The following TTLL9 variants were observed in gnomAD, a reference collection of about 807,000 sequenced individuals.
TTLL9 encodes probable tubulin polyglutamylase TTLL9.
In TTLL9, 47 loss-of-function variants were observed where a neutral mutation model predicts 65.6. The ratio of observed to expected loss-of-function variants is 0.72; its 90% CI spans 0.57 to 0.91. The LOEUF is 0.91. Ranked by LOEUF, TTLL9 falls within the 40% of genes least tolerant of loss-of-function variation. The pLI is 0.00. For missense variants in TTLL9, 537 were observed against 568.8 expected (o/e 0.94, Z 0.57); for synonymous variants, 179 against 204.8 (o/e 0.87, Z 1.07).
At chr20:31,889,976 T>C (rs538857255) in intron 3 of TTLL9, among the ~76,000 whole-genome samples, 66 of 34,536 alleles carry the variant, frequency 1.9e-3, no homozygotes, top group East Asian at 7.3e-3. Flanking sequence ...ATCTCTCTCT[T>C]TCTTTCTTTC....
intron 2 of TTLL9, among the ~76,000 whole-genome samples, chr20:31,873,821 G>GAAGGAAGAAAGAAAGA (rs1568723275): frequency 2.1e-5 from 2 of 95,982 alleles, no homozygotes; most frequent in African/African-American, 4.0e-5. Flanking sequence ...AGGAAGGAAG[G>GAAGGAAGAAAGAAAGA]AAGAAAGAAA....
chr20:31,920,019 A>C, intron 7 of TTLL9, 87 bp downstream of exon 7: 165 of 1,241,300 alleles, frequency 1.3e-4, no homozygotes, highest in Non-Finnish European at 1.6e-4. Context: ...ATCAAAGCTC[A>C]GAGGGCTGGC....
chr20:31,932,196 G>C (rs2064026492), intron 10 of TTLL9, among the ~76,000 whole-genome samples: 1 of 152,176 alleles, frequency 6.6e-6, no homozygotes, highest in Non-Finnish European at 1.5e-5. Context: ...TTTGGGCCAG[G>C]CATGGTGGCT....
intron 7 of TTLL9, 99 bp downstream of exon 7, chr20:31,920,031 GAGAAACTCTGCCCAC>G (rs1440714111): frequency 2.7e-6 from 3 of 1,126,500 alleles, no homozygotes; most frequent in Non-Finnish European, 2.4e-6. Flanking sequence ...AGGGCTGGCA[GAGAAACTCTGCCCAC>G]AGGTCTGCCC....
chr20:31,899,894 A>G (rs1600555439), intron 4 of TTLL9, among the ~76,000 whole-genome samples: 1 of 152,032 alleles, frequency 6.6e-6, no homozygotes, highest in East Asian at 2.0e-4. Context: ...CCTCCCGAGT[A>G]GGACTACAGG....
intron 3 of TTLL9, among the ~76,000 whole-genome samples, chr20:31,893,651 G>A (rs1223082228): frequency 6.7e-6 from 1 of 149,580 alleles, no homozygotes; most frequent in African/African-American, 2.5e-5. Context: ...TCTATGCGAT[G>A]TGTCTTTTTT....
chr20:31,938,860 G>A (rs1299750709), intron 13 of TTLL9, among the ~76,000 whole-genome samples: 2 of 152,108 alleles, frequency 1.3e-5, no homozygotes, highest in Non-Finnish European at 2.9e-5. Flanking sequence ...CTGGGTGACA[G>A]AGAGAGACTC....
At chr20:31,888,958 G>A (rs1460590972) in intron 3 of TTLL9, among the ~76,000 whole-genome samples, 1 of 151,956 alleles carries the variant, frequency 6.6e-6, no homozygotes, top group Non-Finnish European at 1.5e-5. Context: ...TTTCAACATT[G>A]AGAATCACAT....
At chr20:31,926,853 TC>T (rs1193286539) in intron 10 of TTLL9, among the ~76,000 whole-genome samples, 1 of 151,648 alleles carries the variant, frequency 6.6e-6, no homozygotes, top group Non-Finnish European at 1.5e-5. Context: ...CACCTGTAAT[TC>T]CAGCACTTTG....
At chr20:31,917,917 G>T (rs963809453) in intron 6 of TTLL9, among the ~76,000 whole-genome samples, 1 of 150,836 alleles carries the variant, frequency 6.6e-6, no homozygotes, top group African/African-American at 2.4e-5. Flanking sequence ...TTTATTAGAG[G>T]CTTGGACTGC....
chr20:31,876,017 A>G (rs763602366), intron 2 of TTLL9, among the ~76,000 whole-genome samples: 3 of 152,228 alleles, frequency 2.0e-5, no homozygotes, highest in Non-Finnish European at 4.4e-5. Flanking sequence ...ATATGTGTTT[A>G]TAATTAACAC....
At chr20:31,873,836 G>GAAAGAAAGAA (rs2062996092) in intron 2 of TTLL9, among the ~76,000 whole-genome samples, 1 of 110,924 alleles carries the variant, frequency 9.0e-6, no homozygotes, top group African/African-American at 3.7e-5. Flanking sequence ...AAGAAAGAAA[G>GAAAGAAAGAA]AAAGAAAGAA....
At chr20:31,918,741 A>G (rs1207865023) in intron 6 of TTLL9, among the ~76,000 whole-genome samples, 4 of 152,230 alleles carry the variant, frequency 2.6e-5, no homozygotes, top group Non-Finnish European at 5.9e-5. Context: ...AGTCTTTTGC[A>G]AGGCCGTGAA....
chr20:31,901,330 T>C (rs532146929), intron 4 of TTLL9: 26 of 152,292 alleles, frequency 1.7e-4, no homozygotes, highest in African/African-American at 6.3e-4. Flanking sequence ...GCTCTCCCGA[T>C]GTGCTGACCC....
At chr20:31,933,693 C>A in intron 10 of TTLL9, 107 bp from the exon 11 acceptor site, 1 of 1,025,160 alleles carries the variant, frequency 9.8e-7, no homozygotes, top group Non-Finnish European at 1.4e-6. Flanking sequence ...GACCGTGGAG[C>A]TATTTCGTAG....
At chr20:31,934,670 G>C in intron 11 of TTLL9, 22 bp from the exon 12 acceptor site, 2 of 1,596,640 alleles carry the variant, frequency 1.3e-6, no homozygotes, top group South Asian at 1.1e-5. Flanking sequence ...CTCCTCTCTC[G>C]ACCCGGCTGC....
chr20:31,930,094 C>T (rs1312988309), intron 10 of TTLL9, among the ~76,000 whole-genome samples: 1 of 152,054 alleles, frequency 6.6e-6, no homozygotes, highest in Non-Finnish European at 1.5e-5. Context: ...TGCCACTGCA[C>T]TCCAGCCTGA....
chr20:31,877,316 C>T (rs2063050256), intron 2 of TTLL9, among the ~76,000 whole-genome samples: 1 of 152,064 alleles, frequency 6.6e-6, no homozygotes, highest in South Asian at 2.1e-4. Flanking sequence ...TTTTTGTATT[C>T]TTAGTAGAGA....
In TTLL9 at chr20:31,908,674, G is replaced by A. The variant is rs766041516; in HGVS notation, c.290G>A (p.Arg97Gln). The A allele has an allele frequency of 1.2e-5, 20 of 1,614,104 alleles. No individual in the cohort carries two copies. In the East Asian group the frequency reaches 1.6e-4, roughly 13 times the overall value. ...CACACCTACATGGATGAACATGTGC[G>A]GATCAGTCACTTCCGGAACCACTAT... is the stretch of plus-strand genomic sequence containing the variant. ...FDHTYMDEHVRISHFRNHYEL... is the reference protein window; with the variant it reads ...FDHTYMDEHVQISHFRNHYEL... The change falls in exon 5 of 15, where the codon CGG becomes CAG. Residue 97 changes from arginine (R) to glutamine (Q), a missense_variant. Arg to Gln is a conservative substitution (Grantham distance 43, BLOSUM62 1). Coordinates refer to ENST00000535842, the MANE Select transcript of TTLL9 (RefSeq NM_001008409.5).
Sources: allele counts gnomAD v4.1 joint callset (sites outside exome capture counted in the v4.1 genomes callset), GRCh38; gene constraint gnomAD v4.1.1; transcripts MANE v1.5; gene names NCBI Gene and HGNC (gene_info 2026-07-23, HGNC 2026-07-21).